The following PTPRD variants were observed in gnomAD, a reference collection of about 807,000 sequenced individuals.
PTPRD encodes receptor-type tyrosine-protein phosphatase delta.
Under a neutral mutation model 214.5 loss-of-function variants are expected in PTPRD, and 34 were observed. The ratio of observed to expected loss-of-function variants is 0.16; its 90% CI spans 0.12 to 0.21. PTPRD has a LOEUF of 0.21. Among genes scored for constraint, PTPRD ranks in the 10% least tolerant of loss-of-function variants. The pLI, the probability that PTPRD is intolerant of heterozygous loss-of-function variation, is 1.00. For missense variants in PTPRD, 2,545 were observed against 2,398.7 expected (o/e 1.06, Z -1.27); for synonymous variants, 1,128 against 845.7 (o/e 1.33, Z -5.79).
At chr9:10,012,745 G>C (rs1004159721) in intron 4 of PTPRD, among the ~76,000 whole-genome samples, 1 of 151,820 alleles carries the variant, frequency 6.6e-6, no homozygotes, top group African/African-American at 2.4e-5. Context: ...ATAGAAAAAA[G>C]GAAAACCCCG....
intron 5 of PTPRD, among the ~76,000 whole-genome samples, chr9:9,825,344 G>C (rs891826055): frequency 2.0e-5 from 3 of 150,866 alleles, no homozygotes; most frequent in Admixed American, 1.3e-4. Flanking sequence ...AAGAGACAAA[G>C]AAAGAGACAA....
At chr9:9,778,982 A>T (rs1011146855) in intron 5 of PTPRD, among the ~76,000 whole-genome samples, 1 of 149,504 alleles carries the variant, frequency 6.7e-6, no homozygotes, top group East Asian at 2.0e-4. Context: ...CCAAAATAGC[A>T]TGATACTGGT....
chr9:9,054,723 T>G (rs2099693067), intron 10 of PTPRD, among the ~76,000 whole-genome samples: 1 of 152,228 alleles, frequency 6.6e-6, no homozygotes, highest in Non-Finnish European at 1.5e-5. Context: ...TATACTGGTG[T>G]GTTTGCCATT....
At chr9:9,603,789 A>G (rs188278296) in intron 7 of PTPRD, among the ~76,000 whole-genome samples, 2 of 152,304 alleles carry the variant, frequency 1.3e-5, no homozygotes, top group African/African-American at 2.4e-5. Flanking sequence ...TCACTGCTAT[A>G]AAGTATATAG....
chr9:9,109,397 G>C, intron 10 of PTPRD, among the ~76,000 whole-genome samples: 1 of 152,118 alleles, frequency 6.6e-6, no homozygotes, highest in Non-Finnish European at 1.5e-5. Flanking sequence ...TTCTCTCACT[G>C]TTGCCTATGA....
intron 11 of PTPRD, among the ~76,000 whole-genome samples, chr9:8,850,625 T>C (rs2097791171): frequency 1.3e-5 from 2 of 152,166 alleles, no homozygotes; most frequent in African/African-American, 4.8e-5. Context: ...TCCAACAAAC[T>C]ACTCTTATTT....
In PTPRD at chr9:9,793,775, A is replaced by C. The variant is rs185668437; in HGVS notation, c.-367-26924T>G. Among the ~76,000 whole-genome samples the C allele has an allele frequency of 6.6e-5, 10 of 152,184 alleles. No homozygotes were observed. The East Asian group carries it at 1.5e-3, about 24-fold the overall frequency. On this transcript the variant is annotated intron_variant, in intron 5 of 45. Coordinates refer to ENST00000381196, the MANE Select transcript of PTPRD (RefSeq NM_002839.4). The stretch of plus-strand genomic sequence containing the variant: ...TCTGTGTAGTTCCTACTTGGTTTCC[A>C]TTAGATTAAATCCCAAATTCCAGTT...
chr9:8,494,789 C>T (rs2097224772), intron 26 of PTPRD, among the ~76,000 whole-genome samples: 1 of 152,162 alleles, frequency 6.6e-6, no homozygotes, highest in Non-Finnish European at 1.5e-5. Context: ...CTCGGCTGGA[C>T]ACACCTCCAA....
At chr9:10,018,704 C>T (rs559389771) in intron 4 of PTPRD, among the ~76,000 whole-genome samples, 28 of 150,056 alleles carry the variant, frequency 1.9e-4, no homozygotes, top group African/African-American at 4.4e-4. Context: ...CCCGCCACTA[C>T]GCCCGGCTAA....
rs181742311 is a variant in PTPRD, at chr9:8,804,358, G to T, written c.-103-70412C>A. On this transcript the variant is annotated intron_variant, in intron 11 of 45. Transcript: ENST00000381196. ...CACACTTGCAATCCCAGCATTTTGGGAACCGAGAGCAGGAGGATCACTAGA... is the reference window on the plus strand; with the variant it reads ...CACACTTGCAATCCCAGCATTTTGGTAACCGAGAGCAGGAGGATCACTAGA... Among the ~76,000 whole-genome samples, 66 of 151,956 alleles carry T rather than the reference G, an allele frequency of 4.3e-4. 1 individual carries two copies. The East Asian group carries it at 0.012, about 27-fold the overall frequency.
chr9:9,825,374 C>G, intron 5 of PTPRD, among the ~76,000 whole-genome samples: 1 of 147,078 alleles, frequency 6.8e-6, no homozygotes, highest in South Asian at 2.2e-4. Context: ...GAGAGAGACA[C>G]AGAGAGACAG....
intron 11 of PTPRD, among the ~76,000 whole-genome samples, chr9:8,980,472 C>T (rs1010580394): frequency 5.3e-5 from 8 of 152,010 alleles, no homozygotes; most frequent in East Asian, 1.9e-4. Flanking sequence ...TATATGTATC[C>T]ATAATAATGT....
At chr9:10,428,755 G>A (rs1455646593) in intron 2 of PTPRD, among the ~76,000 whole-genome samples, 1 of 151,996 alleles carries the variant, frequency 6.6e-6, no homozygotes, top group East Asian at 1.9e-4. Context: ...CTAAACTTTT[G>A]GAATAATGAG....
At chr9:9,193,254 T>C (rs564660842) in intron 9 of PTPRD, among the ~76,000 whole-genome samples, 4 of 152,276 alleles carry the variant, frequency 2.6e-5, no homozygotes, top group South Asian at 4.1e-4. Flanking sequence ...GTCATGAATA[T>C]TGCTTTACTC....
In PTPRD at chr9:8,484,254, C is replaced by G. The variant is rs2135777481; in HGVS notation, c.3278G>C (p.Gly1093Ala). 6.2e-7 allele frequency: 1 copy of G among 1,614,144 alleles called. No homozygotes were observed. Among genetic ancestry groups the G allele is most frequent in the Non-Finnish European group, 8.5e-7 (1 of 1,180,028 alleles). ...TGCCGTGACCCTGTGCTGCAGCCCACCAGCACTGTTTCCACGATTTGTCAG... is the reference window on the plus strand; with the variant it reads ...TGCCGTGACCCTGTGCTGCAGCCCAGCAGCACTGTTTCCACGATTTGTCAG... ...FVLTNRGNSA[G>A]GLQHRVTAKT... Residue 1093 changes from glycine to alanine, a missense_variant, in exon 30 of 46, where the codon GGT becomes GCT. Physicochemically the swap from Gly to Ala is moderately conservative, Grantham distance 60. Transcript: ENST00000381196.
chr9:8,605,550 T>C (rs1368483555), intron 14 of PTPRD, among the ~76,000 whole-genome samples: 2 of 152,234 alleles, frequency 1.3e-5, no homozygotes, highest in Non-Finnish European at 2.9e-5. Context: ...TTACTCTAGA[T>C]GGGCTAGTTA....
intron 8 of PTPRD, among the ~76,000 whole-genome samples, chr9:9,550,792 A>T (rs891428994): frequency 6.6e-6 from 1 of 151,938 alleles, no homozygotes; most frequent in South Asian, 2.1e-4. Flanking sequence ...AGCAAAAGAC[A>T]TGAACAGACA....
At chr9:9,155,289 G>A (rs2099880259) in intron 10 of PTPRD, among the ~76,000 whole-genome samples, 1 of 151,916 alleles carries the variant, frequency 6.6e-6, no homozygotes, top group East Asian at 1.9e-4. Flanking sequence ...TGTCTTCTTT[G>A]TACATGAATT....
intron 39 of PTPRD, among the ~76,000 whole-genome samples, chr9:8,367,847 G>C (rs1017463401): frequency 2.6e-5 from 4 of 152,088 alleles, no homozygotes; most frequent in African/African-American, 9.7e-5. Flanking sequence ...ACAGGCTAAT[G>C]AATCACTTTA....
Sources: allele counts gnomAD v4.1 joint callset (sites outside exome capture counted in the v4.1 genomes callset), GRCh38; gene constraint gnomAD v4.1.1; transcripts MANE v1.5; gene names NCBI Gene and HGNC (gene_info 2026-07-23, HGNC 2026-07-21).